Variants in L3MBTL4 observed in about 807,000 individuals in gnomAD.
L3MBTL4 encodes lethal(3)malignant brain tumor-like protein 4.
Under a neutral mutation model 84.5 loss-of-function variants are expected in L3MBTL4, and 70 were observed. The observed-to-expected ratio is 0.83, with a 90% CI of 0.68 to 1.01. The LOEUF (loss-of-function observed/expected upper bound fraction) is 1.01, where lower values mean the gene tolerates loss of function less well. L3MBTL4 is among the 50% of genes least tolerant of loss of function. The probability of loss-of-function intolerance (pLI) is 0.00; values close to 1 mark genes in which losing one functional copy is unlikely to be tolerated. For synonymous variants in L3MBTL4, 274 were observed against 259.8 expected (o/e 1.05, Z -0.52); for missense variants, 715 against 754.8 (o/e 0.95, Z 0.62).
At chr18:6,359,992 A>T (rs1490547724) in intron 1 of L3MBTL4, among the ~76,000 whole-genome samples, 1 of 152,216 alleles carries the variant, frequency 6.6e-6, no homozygotes, top group Non-Finnish European at 1.5e-5. Context: ...TGACATACTA[A>T]CAACAAGCTG....
chr18:6,096,623 T>C (rs1385989512), intron 14 of L3MBTL4, among the ~76,000 whole-genome samples: 1 of 152,148 alleles, frequency 6.6e-6, no homozygotes, highest in Non-Finnish European at 1.5e-5. Flanking sequence ...TGTGTGTGTG[T>C]GTTTAAGAGA....
chr18:6,050,289 A>G (rs73378038), intron 16 of L3MBTL4, among the ~76,000 whole-genome samples: 3,677 of 152,100 alleles, frequency 0.024, 135 homozygotes, highest in African/African-American at 0.085. Context: ...CTCCCCTCAT[A>G]CTCTCCCACA....
intron 4 of L3MBTL4, among the ~76,000 whole-genome samples, chr18:6,285,325 A>G (rs1461618552): frequency 4.6e-5 from 7 of 152,190 alleles, no homozygotes; most frequent in African/African-American, 1.4e-4. Flanking sequence ...CACGTTTCTC[A>G]CTGGCAAAGA....
At chr18:6,280,139 G>C (rs1325299291) in intron 4 of L3MBTL4, among the ~76,000 whole-genome samples, 1 of 152,138 alleles carries the variant, frequency 6.6e-6, no homozygotes, top group African/African-American at 2.4e-5. Context: ...ATCCGTAAAG[G>C]AACACTGAAT....
At chr18:6,334,811 C>T (rs973240453) in intron 1 of L3MBTL4, among the ~76,000 whole-genome samples, 2 of 152,084 alleles carry the variant, frequency 1.3e-5, no homozygotes, top group Non-Finnish European at 2.9e-5. Context: ...TACCATATTG[C>T]CCATGTAATT....
intron 10 of L3MBTL4, among the ~76,000 whole-genome samples, chr18:6,235,872 G>A (rs189501616): frequency 9.5e-4 from 144 of 152,162 alleles, no homozygotes; most frequent in African/African-American, 3.3e-3. Flanking sequence ...TAAAATAGTA[G>A]CAAATTTAAT....
chr18:6,221,587 T>A (rs2046556295), intron 10 of L3MBTL4, among the ~76,000 whole-genome samples: 3 of 152,182 alleles, frequency 2.0e-5, no homozygotes, highest in African/African-American at 2.4e-5. Context: ...GTCTCCTGAC[T>A]TGCAATTTGT....
intron 4 of L3MBTL4, among the ~76,000 whole-genome samples, chr18:6,272,529 G>A (rs34632921): frequency 6.5e-3 from 238 of 36,512 alleles, no homozygotes; most frequent in Middle Eastern, 0.03. Flanking sequence ...GAGTTGTGCA[G>A]ATTCAACTAG....
intron 14 of L3MBTL4, among the ~76,000 whole-genome samples, chr18:6,110,362 G>A (rs531527888): frequency 5.3e-5 from 8 of 152,220 alleles, no homozygotes; most frequent in South Asian, 4.1e-4. Context: ...GCGTGTGTGC[G>A]TGCATGTCAG....
intron 16 of L3MBTL4, among the ~76,000 whole-genome samples, chr18:6,076,882 C>T (rs541986696): frequency 6.6e-6 from 1 of 152,290 alleles, no homozygotes; most frequent in South Asian, 2.1e-4. Context: ...AGGTATCTCA[C>T]AGGTGGTGCA....
At chr18:5,985,513 T>C (rs895661101) in intron 16 of L3MBTL4, among the ~76,000 whole-genome samples, 1 of 152,134 alleles carries the variant, frequency 6.6e-6, no homozygotes, top group African/African-American at 2.4e-5. Context: ...AAAAAGGGAA[T>C]GGAATTTGCC....
At chr18:6,169,658 A>G (rs1292398920) in intron 13 of L3MBTL4, among the ~76,000 whole-genome samples, 3 of 127,446 alleles carry the variant, frequency 2.4e-5, no homozygotes, top group Admixed American at 9.4e-5. Flanking sequence ...GAAGGGGAAC[A>G]TCACACACTG....
At chr18:6,235,303 G>A (rs1023040464) in intron 10 of L3MBTL4, among the ~76,000 whole-genome samples, 33 of 151,994 alleles carry the variant, frequency 2.2e-4, no homozygotes, top group African/African-American at 7.5e-4. Flanking sequence ...ATGTACCCTA[G>A]AACTTAAAGT....
At chr18:5,970,092 C>G (rs2052566054) in intron 16 of L3MBTL4, among the ~76,000 whole-genome samples, 1 of 152,202 alleles carries the variant, frequency 6.6e-6, no homozygotes, top group African/African-American at 2.4e-5. Flanking sequence ...GCAAGGGTCC[C>G]CATGAGAAGC....
intron 1 of L3MBTL4, among the ~76,000 whole-genome samples, chr18:6,357,672 A>C (rs2053506386): frequency 6.6e-6 from 1 of 152,088 alleles, no homozygotes; most frequent in Admixed American, 6.5e-5. Flanking sequence ...CACCATCAAG[A>C]CTTTTGAAAA....
intron 14 of L3MBTL4, among the ~76,000 whole-genome samples, chr18:6,129,376 G>C (rs1240220943): frequency 6.6e-6 from 1 of 150,874 alleles, no homozygotes; most frequent in African/African-American, 2.4e-5. Flanking sequence ...CTCTGTGTGT[G>C]TGTGTGTGTG....
chr18:6,203,616 A>C (rs1372393254), intron 12 of L3MBTL4, among the ~76,000 whole-genome samples: 1 of 152,220 alleles, frequency 6.6e-6, no homozygotes, highest in Non-Finnish European at 1.5e-5. Context: ...GGAGAAAGGT[A>C]TTACAAACCA....
At chr18:6,030,205 A>G (rs2055720114) in intron 16 of L3MBTL4, 2 of 854,552 alleles carry the variant, frequency 2.3e-6, no homozygotes, top group African/African-American at 3.7e-5. Flanking sequence ...GTATACAGTG[A>G]TTATTCCAAG....
At chr18:6,114,753 G>T (rs904982741) in intron 14 of L3MBTL4, among the ~76,000 whole-genome samples, 1 of 152,186 alleles carries the variant, frequency 6.6e-6, no homozygotes, top group Admixed American at 6.5e-5. Context: ...GCTTACAAAA[G>T]CTATCTTATT....
Sources: gnomAD v4.1 joint callset for allele counts (sites outside exome capture counted in the v4.1 genomes callset) on GRCh38, gnomAD v4.1.1 for gene constraint, MANE v1.5 for transcripts, NCBI Gene and HGNC (gene_info 2026-07-23, HGNC 2026-07-21) for gene names.